AHI1: variants seen among roughly 807,000 people sequenced by gnomAD.
AHI1 encodes the protein jouberin.
AHI1 carries 123 observed loss-of-function variants against 149.3 expected under a neutral mutation model. That is an observed-to-expected ratio of 0.82 (90% CI 0.71 to 0.96). The LOEUF (loss-of-function observed/expected upper bound fraction) is 0.96. AHI1 is among the 40% of genes least tolerant of loss of function. The pLI is 0.00. For missense variants in AHI1, 1,439 were observed against 1,422.7 expected (o/e 1.01, Z -0.18); for synonymous variants, 475 against 459.8 (o/e 1.03, Z -0.42).
intron 23 of AHI1, among the ~76,000 whole-genome samples, chr6:135,365,655 T>G (rs149359462): frequency 6.6e-6 from 1 of 152,202 alleles, no homozygotes; most frequent in Non-Finnish European, 1.5e-5. Flanking sequence ...TTTGTGTACA[T>G]TGATTTTGCA....
chr6:135,452,259 T>C (rs529753692), intron 11 of AHI1, among the ~76,000 whole-genome samples: 1 of 152,366 alleles, frequency 6.6e-6, no homozygotes, highest in South Asian at 2.1e-4. Context: ...CAAATGAAAA[T>C]GTTTTTATAA....
intron 7 of AHI1, among the ~76,000 whole-genome samples, chr6:135,463,583 A>T (rs1304974179): frequency 1.3e-5 from 2 of 152,084 alleles, no homozygotes; most frequent in Non-Finnish European, 2.9e-5. Flanking sequence ...ATATTTTATG[A>T]GCAATTGATC....
intron 24 of AHI1, among the ~76,000 whole-genome samples, chr6:135,336,591 C>T (rs944981866): frequency 1.3e-5 from 2 of 152,166 alleles, no homozygotes; most frequent in African/African-American, 2.4e-5. Context: ...AAGTGAGACC[C>T]TGCCTTTACA....
intron 11 of AHI1, among the ~76,000 whole-genome samples, chr6:135,449,542 G>T (rs1239386362): frequency 6.6e-6 from 1 of 152,160 alleles, no homozygotes; most frequent in Admixed American, 6.5e-5. Context: ...TAAATTAGAA[G>T]AATAAGCACT....
chr6:135,422,624 T>C (rs1407792202), intron 20 of AHI1, among the ~76,000 whole-genome samples: 1 of 29,856 alleles, frequency 3.3e-5, no homozygotes, highest in African/African-American at 9.8e-5. Flanking sequence ...TATTTTTATG[T>C]ATGTATGTAT....
At chr6:135,366,169 A>G (rs1001127715) in intron 23 of AHI1, among the ~76,000 whole-genome samples, 5 of 151,924 alleles carry the variant, frequency 3.3e-5, no homozygotes, top group South Asian at 2.1e-4. Context: ...TTGATATGCT[A>G]CTGGATTTGG....
intron 11 of AHI1, 59 bp downstream of exon 11, chr6:135,453,282 A>G: frequency 2.3e-6 from 3 of 1,312,352 alleles, no homozygotes; most frequent in South Asian, 2.5e-5. Flanking sequence ...TTTGGGAGAA[A>G]GCAGCCAACT....
intron 23 of AHI1, among the ~76,000 whole-genome samples, chr6:135,390,577 T>A (rs1778339428): frequency 6.6e-6 from 1 of 152,170 alleles, no homozygotes; most frequent in Non-Finnish European, 1.5e-5. Context: ...TTCATCTCCC[T>A]AAACATGTAC....
chr6:135,436,043 G>T (rs1208386502), intron 15 of AHI1, among the ~76,000 whole-genome samples: 1 of 152,152 alleles, frequency 6.6e-6, no homozygotes, highest in Non-Finnish European at 1.5e-5. Context: ...TTGGATTTGA[G>T]GTGGCAATGG....
At chr6:135,367,691 A>C (rs889974274) in intron 23 of AHI1, among the ~76,000 whole-genome samples, 3 of 151,188 alleles carry the variant, frequency 2.0e-5, no homozygotes, top group African/African-American at 7.3e-5. Flanking sequence ...TGTGTCCTTC[A>C]TTTCCAGAAG....
intron 23 of AHI1, among the ~76,000 whole-genome samples, chr6:135,368,022 G>T (rs1774440110): frequency 6.6e-6 from 1 of 152,188 alleles, no homozygotes; most frequent in South Asian, 2.1e-4. Context: ...CTATTGTTCA[G>T]ATTCTTCTGT....
intron 23 of AHI1, among the ~76,000 whole-genome samples, chr6:135,372,488 G>GC (rs2128457587): frequency 6.7e-6 from 1 of 148,962 alleles, no homozygotes; most frequent in East Asian, 2.0e-4. Context: ...TGGCAACATA[G>GC]CGAGACCCTG....
intron 13 of AHI1, among the ~76,000 whole-genome samples, chr6:135,446,783 T>C (rs1022088548): frequency 6.6e-6 from 1 of 152,194 alleles, no homozygotes; most frequent in African/African-American, 2.4e-5. Flanking sequence ...CCCAAGCTAA[T>C]ACAATTGCCC....
intron 24 of AHI1, among the ~76,000 whole-genome samples, chr6:135,332,692 AAGCTCCCT>A (rs1173793969): frequency 6.6e-6 from 1 of 152,244 alleles, no homozygotes; most frequent in East Asian, 1.9e-4. Context: ...TATGGTAATG[AAGCTCCCT>A]CTGTTTTAAT....
chr6:135,302,814 T>C, intron 26 of AHI1: 1 of 1,288,970 alleles, frequency 7.8e-7, no homozygotes, highest in Non-Finnish European at 1.0e-6. Flanking sequence ...TTGTTTTATT[T>C]TACCTTTAAA....
chr6:135,334,770 T>C (rs191809349), intron 24 of AHI1, among the ~76,000 whole-genome samples: 121 of 152,336 alleles, frequency 7.9e-4, no homozygotes, highest in Non-Finnish European at 1.2e-3. Flanking sequence ...ATCTGCTCAC[T>C]ATAAAAAGAA....
intron 23 of AHI1, among the ~76,000 whole-genome samples, chr6:135,374,089 T>A (rs1428983980): frequency 2.1e-4 from 6 of 28,996 alleles, no homozygotes; most frequent in African/African-American, 8.4e-4. Flanking sequence ...TACATATATA[T>A]ATATATATAT....
At chr6:135,360,378 T>C (rs986556220) in intron 23 of AHI1, among the ~76,000 whole-genome samples, 1 of 152,226 alleles carries the variant, frequency 6.6e-6, no homozygotes, top group Non-Finnish European at 1.5e-5. Flanking sequence ...TGATGTTAAG[T>C]GGGCCTCATC....
At chr6:135,467,698 T>C (rs989742863) in intron 5 of AHI1, 64 bp from the exon 6 acceptor site, 2 of 1,169,856 alleles carry the variant, frequency 1.7e-6, no homozygotes, top group Non-Finnish European at 2.4e-6. Flanking sequence ...GAAAAACCAA[T>C]AATTAATGTT....
Sources: gnomAD v4.1 joint callset for allele counts (sites outside exome capture counted in the v4.1 genomes callset) on GRCh38, gnomAD v4.1.1 for gene constraint, MANE v1.5 for transcripts, NCBI Gene and HGNC (gene_info 2026-07-23, HGNC 2026-07-21) for gene names.